Variants in MAML2 observed in about 807,000 individuals in gnomAD.
MAML2 encodes the protein mastermind-like protein 2.
Under a neutral mutation model 96.1 loss-of-function variants are expected in MAML2, and 22 were observed. The observed-to-expected ratio is 0.23, with a 90% CI of 0.16 to 0.33. MAML2 has a LOEUF of 0.33. Ranked by LOEUF, MAML2 falls within the 10% of genes least tolerant of loss-of-function variation. The probability of loss-of-function intolerance (pLI) is 1.00; values close to 1 mark genes in which losing one functional copy is unlikely to be tolerated. For synonymous variants in MAML2, 561 were observed against 521.3 expected (o/e 1.08, Z -1.04); for missense variants, 1,367 against 1,392.4 (o/e 0.98, Z 0.29).
At chr11:96,165,183 T>C (rs984631718) in intron 1 of MAML2, among the ~76,000 whole-genome samples, 1 of 152,240 alleles carries the variant, frequency 6.6e-6, no homozygotes, top group African/African-American at 2.4e-5. Flanking sequence ...TTTTTTTCCC[T>C]ACACGTTGCA....
chr11:96,285,330 T>C (rs760715038), intron 1 of MAML2, among the ~76,000 whole-genome samples: 9 of 152,170 alleles, frequency 5.9e-5, no homozygotes, highest in Admixed American at 1.3e-4. Context: ...AAAAGTAAGA[T>C]GGATTAAAGA....
chr11:95,990,713 A>G (rs895394250), intron 3 of MAML2, among the ~76,000 whole-genome samples: 5 of 152,100 alleles, frequency 3.3e-5, no homozygotes, highest in Non-Finnish European at 7.4e-5. Flanking sequence ...TCTGACTCTC[A>G]CTACAAAGCT....
intron 1 of MAML2, among the ~76,000 whole-genome samples, chr11:96,264,301 C>T (rs1411925383): frequency 6.6e-6 from 1 of 152,162 alleles, no homozygotes; most frequent in African/African-American, 2.4e-5. Context: ...GGCCCAGACC[C>T]CCATTCAGTT....
At chr11:96,273,050 AT>A (rs1318078805) in intron 1 of MAML2, among the ~76,000 whole-genome samples, 9 of 151,794 alleles carry the variant, frequency 5.9e-5, no homozygotes, top group East Asian at 3.8e-4. Context: ...GAGAATCAGA[AT>A]TTTTTTTTCT....
chr11:95,990,152 C>CT (rs1206176626), intron 3 of MAML2, among the ~76,000 whole-genome samples: 2 of 152,032 alleles, frequency 1.3e-5, no homozygotes, highest in African/African-American at 4.8e-5. Context: ...ACTTTTTATA[C>CT]TTTTTACTGT....
At chr11:96,295,337 T>C (rs1412511978) in intron 1 of MAML2, among the ~76,000 whole-genome samples, 1 of 152,170 alleles carries the variant, frequency 6.6e-6, no homozygotes, top group African/African-American at 2.4e-5. Context: ...TTTAGAAACA[T>C]AGGAATGAAC....
chr11:96,291,916 G>A (rs1397755877), intron 1 of MAML2, among the ~76,000 whole-genome samples: 1 of 152,150 alleles, frequency 6.6e-6, no homozygotes, highest in Non-Finnish European at 1.5e-5. Context: ...CTGTCTGTCT[G>A]CTGCCATAGA....
intron 1 of MAML2, among the ~76,000 whole-genome samples, chr11:96,194,720 G>A (rs1861703873): frequency 6.6e-6 from 1 of 152,178 alleles, no homozygotes; most frequent in Admixed American, 6.5e-5. Context: ...GGGGAAAAAT[G>A]TTGCTATAGG....
rs995994767 is a variant in MAML2, at chr11:95,977,806, G to A, written c.*1142C>T. 3 of 226,138 alleles carry A rather than the reference G, an allele frequency of 1.3e-5. No homozygotes were observed. Among genetic ancestry groups the A allele is most frequent in the African/African-American group, 6.7e-5 (3 of 45,102 alleles). The allele number at this position is 226,138 out of a possible 1,614,324, so 14.0% of individuals were successfully genotyped here. On this transcript the variant is annotated 3_prime_UTR_variant, in exon 5 of 5. Transcript: ENST00000524717. ...CTAACAGACCACATTCCATTTTGTT[G>A]CTCACCCAAATCCAAATAATACGTC...
chr11:95,978,058 C>T lies in MAML2; in HGVS notation c.*890G>A, dbSNP rs1044617202. On this transcript the variant is annotated 3_prime_UTR_variant, in exon 5 of 5. Transcript: ENST00000524717. ...CAATTTCACTCAGCTTGGGAACAAA[C>T]CAGCAGGCATCAATCATAATAAGCA... 1 of 218,470 alleles carries T rather than the reference C, an allele frequency of 4.6e-6. No individual in the cohort carries two copies. The highest frequency in any genetic ancestry group is 6.8e-5 in the East Asian group (1 of 14,764). The allele number at this position is 218,470 out of a possible 1,614,324, so 13.5% of individuals were successfully genotyped here.
In MAML2 at chr11:96,146,539, G is replaced by T. The variant is rs138081022; in HGVS notation, c.514-53022C>A. ...TATGAGTCTGTTGTCTAACATTTTT[G>T]ACCTTCAGCATCTTCAACTGTGTGA... On this transcript the variant is annotated intron_variant, in intron 1 of 4. Coordinates refer to ENST00000524717, the MANE Select transcript of MAML2 (RefSeq NM_032427.4). Among the ~76,000 whole-genome samples the T allele has an allele frequency of 2.9e-3, 435 of 152,222 alleles. 3 individuals are homozygous for T. Among genetic ancestry groups the T allele is most frequent in the African/African-American group, 1.0e-2 (415 of 41,524 alleles).
At chr11:96,168,189 A>G (rs1861222835) in intron 1 of MAML2, among the ~76,000 whole-genome samples, 1 of 152,244 alleles carries the variant, frequency 6.6e-6, no homozygotes, top group African/African-American at 2.4e-5. Context: ...TTGAATGAAT[A>G]TAACAGTAGT....
intron 1 of MAML2, among the ~76,000 whole-genome samples, chr11:96,296,726 A>G (rs554973832): frequency 6.6e-6 from 1 of 152,354 alleles, no homozygotes; most frequent in African/African-American, 2.4e-5. Flanking sequence ...TAATGTTTAA[A>G]GAACACAGGA....
At chr11:96,152,416 G>A (rs1254432752) in intron 1 of MAML2, among the ~76,000 whole-genome samples, 2 of 152,096 alleles carry the variant, frequency 1.3e-5, no homozygotes, top group African/African-American at 4.8e-5. Context: ...ACCAGTTGAA[G>A]TTCTGTCCAA....
chr11:96,251,733 CTTT>C (rs5793793), intron 1 of MAML2, among the ~76,000 whole-genome samples: 9 of 134,434 alleles, frequency 6.7e-5, no homozygotes, highest in Admixed American at 1.5e-4. Context: ...AATACAAACC[CTTT>C]TTTTTTTTTT....
chr11:95,978,859 C>G lies in MAML2; in HGVS notation c.*89G>C. 1.7e-6 allele frequency: 2 copies of G among 1,181,804 alleles called. No homozygotes were observed. Among genetic ancestry groups the G allele is most frequent in the African/African-American group, 1.5e-5 (1 of 65,226 alleles). 73.2% of individuals were successfully genotyped at this position (1,181,804 alleles called of 1,614,324 possible). The stretch of plus-strand genomic sequence containing the variant: ...AGCATGTTATCTTCATGTAGTCCAC[C>G]TGAACATCAACAGTTCAGCCTCTAC... On this transcript the variant is annotated 3_prime_UTR_variant, in exon 5 of 5. Coordinates refer to ENST00000524717, the MANE Select transcript of MAML2 (RefSeq NM_032427.4).
intron 1 of MAML2, among the ~76,000 whole-genome samples, chr11:96,340,970 C>T (rs959399289): frequency 6.6e-6 from 1 of 152,010 alleles, no homozygotes; most frequent in African/African-American, 2.4e-5. Context: ...TAATAAAGGC[C>T]AGCTGGGCTG....
chr11:96,261,407 G>A (rs1862747788), intron 1 of MAML2, among the ~76,000 whole-genome samples: 1 of 152,052 alleles, frequency 6.6e-6, no homozygotes, highest in African/African-American at 2.4e-5. Context: ...TTTGTTATAA[G>A]CAAAAGAAAA....
intron 1 of MAML2, among the ~76,000 whole-genome samples, chr11:96,270,158 C>T (rs1224951987): frequency 1.8e-5 from 2 of 109,592 alleles, no homozygotes; most frequent in Non-Finnish European, 3.7e-5. Context: ...CAACCCCATC[C>T]TTGTAGCTGC....
Sources: gnomAD v4.1 joint callset for allele counts (sites outside exome capture counted in the v4.1 genomes callset) on GRCh38, gnomAD v4.1.1 for gene constraint, MANE v1.5 for transcripts, NCBI Gene and HGNC (gene_info 2026-07-23, HGNC 2026-07-21) for gene names.